The following CNTNAP2 variants were observed in gnomAD, a reference collection of about 807,000 sequenced individuals.
CNTNAP2 encodes the protein contactin associated protein 2, also known as contactin-associated protein-like 2.
A neutral mutation model predicts 155.2 loss-of-function variants in CNTNAP2; 98 were observed. The observed-to-expected ratio is 0.63, with a 90% CI of 0.54 to 0.75. The LOEUF (loss-of-function observed/expected upper bound fraction) is 0.75, where lower values mean the gene tolerates loss of function less well. CNTNAP2 is among the 30% of genes least tolerant of loss of function. The pLI is 0.00. For missense variants in CNTNAP2, 1,727 were observed against 1,688.1 expected, an observed-to-expected ratio of 1.02 and a Z score of -0.40; for synonymous variants, 651 against 631.2, an observed-to-expected ratio of 1.03 and a Z score of -0.47.
intron 12 of CNTNAP2, among the ~76,000 whole-genome samples, chr7:147,601,501 G>A (rs1013180250): frequency 2.6e-5 from 4 of 151,702 alleles, no homozygotes; most frequent in Non-Finnish European, 5.9e-5. Flanking sequence ...CCATTTTCAC[G>A]TCTTTTGTGA....
At chr7:146,192,481 A>G (rs533138715) in intron 1 of CNTNAP2, among the ~76,000 whole-genome samples, 1 of 152,310 alleles carries the variant, frequency 6.6e-6, no homozygotes, top group East Asian at 1.9e-4. Context: ...GGTGGAAGGC[A>G]AAGGAGAAGC....
intron 1 of CNTNAP2, among the ~76,000 whole-genome samples, chr7:146,155,323 C>T (rs1308970147): frequency 6.6e-6 from 1 of 152,186 alleles, no homozygotes; most frequent in East Asian, 1.9e-4. Context: ...CCCCAAAGGA[C>T]TGTGCAGATG....
Position 146,305,441 on chromosome 7 carries a change from A to G in CNTNAP2, c.97+188468A>G, listed in dbSNP as rs56969469. On this transcript the variant is annotated intron_variant, in intron 1 of 23. Coordinates refer to ENST00000361727, the MANE Select transcript of CNTNAP2 (RefSeq NM_014141.6). ...ACCTTTGGTCTTTGATGATGGTGAC[A>G]TACAGATGGGGTTTTGGTGTGGATG... Among the ~76,000 whole-genome samples, 736 of 152,130 alleles carry G rather than the reference A, an allele frequency of 4.8e-3. 9 individuals carry two copies. The highest frequency in any genetic ancestry group is 0.017 in the African/African-American group (707 of 41,516).
intron 1 of CNTNAP2, among the ~76,000 whole-genome samples, chr7:146,665,137 C>T (rs183909491): frequency 5.3e-5 from 8 of 152,056 alleles, no homozygotes; most frequent in South Asian, 2.1e-4. Context: ...TTAGTAGCGA[C>T]GGGGTTTCAC....
chr7:147,884,142 T>C (rs1272773869), intron 13 of CNTNAP2, among the ~76,000 whole-genome samples: 1 of 152,068 alleles, frequency 6.6e-6, no homozygotes, highest in Non-Finnish European at 1.5e-5. Flanking sequence ...GTGGCAAAAA[T>C]AGTCCCTGCC....
At chr7:146,625,233 G>C (rs1230233091) in intron 1 of CNTNAP2, among the ~76,000 whole-genome samples, 1 of 151,826 alleles carries the variant, frequency 6.6e-6, no homozygotes, top group African/African-American at 2.4e-5. Context: ...TTAGAAGATG[G>C]GGGAGGATAA....
intron 8 of CNTNAP2, among the ~76,000 whole-genome samples, chr7:147,252,417 G>A (rs1804220001): frequency 1.3e-5 from 2 of 152,102 alleles, no homozygotes; most frequent in Non-Finnish European, 2.9e-5. Flanking sequence ...CTCCCAACAG[G>A]TTTGGTGACA....
chr7:146,904,009 A>T (rs1796063169), intron 3 of CNTNAP2, among the ~76,000 whole-genome samples: 1 of 152,210 alleles, frequency 6.6e-6, no homozygotes, highest in African/African-American at 2.4e-5. Flanking sequence ...TTTAAAATAA[A>T]GTTAAATTTC....
intron 15 of CNTNAP2, among the ~76,000 whole-genome samples, chr7:148,010,110 G>T (rs1802049683): frequency 6.6e-6 from 1 of 151,994 alleles, no homozygotes. Context: ...TTACCAATCT[G>T]ATCACATAAA....
intron 13 of CNTNAP2, among the ~76,000 whole-genome samples, chr7:147,814,610 A>G (rs926195406): frequency 2.0e-5 from 3 of 152,200 alleles, no homozygotes; most frequent in Non-Finnish European, 4.4e-5. Flanking sequence ...TGTGAATCCA[A>G]TTAGTCTTAC....
chr7:147,166,447 C>T (rs1209155955), intron 8 of CNTNAP2, among the ~76,000 whole-genome samples: 1 of 152,044 alleles, frequency 6.6e-6, no homozygotes, highest in African/African-American at 2.4e-5. Context: ...CAGTGTATAC[C>T]GCTCGGGTGA....
At chr7:146,361,554 A>C (rs976964043) in intron 1 of CNTNAP2, among the ~76,000 whole-genome samples, 1 of 152,190 alleles carries the variant, frequency 6.6e-6, no homozygotes, top group Non-Finnish European at 1.5e-5. Flanking sequence ...CTAGGGTAGC[A>C]ATTAATGCCC....
At chr7:147,642,380 G>C (rs1039544520) in intron 13 of CNTNAP2, among the ~76,000 whole-genome samples, 1 of 151,918 alleles carries the variant, frequency 6.6e-6, no homozygotes, top group African/African-American at 2.4e-5. Flanking sequence ...TTCAACTTAC[G>C]GTTGAGGTAC....
chr7:146,736,143 T>C (rs1801616151), intron 1 of CNTNAP2, among the ~76,000 whole-genome samples: 1 of 152,078 alleles, frequency 6.6e-6, no homozygotes. Context: ...AATCTGGAAA[T>C]GGTTTATAGT....
chr7:147,146,945 C>A (rs1050862215), intron 8 of CNTNAP2, among the ~76,000 whole-genome samples: 1 of 152,138 alleles, frequency 6.6e-6, no homozygotes, highest in African/African-American at 2.4e-5. Context: ...AGCTTAATTT[C>A]TTGTTTTCCC....
intron 8 of CNTNAP2, among the ~76,000 whole-genome samples, chr7:147,289,474 G>T (rs1488342339): frequency 6.6e-6 from 1 of 151,934 alleles, no homozygotes; most frequent in African/African-American, 2.4e-5. Flanking sequence ...AGGAAAGGAG[G>T]GAAGGAAGGA....
intron 21 of CNTNAP2, among the ~76,000 whole-genome samples, chr7:148,274,002 A>G (rs1462868639): frequency 6.6e-6 from 1 of 152,166 alleles, no homozygotes. Context: ...TTGTTGGTGA[A>G]ATCATATACT....
At chr7:148,157,104 A>G (rs1291496989) in intron 17 of CNTNAP2, among the ~76,000 whole-genome samples, 4 of 152,228 alleles carry the variant, frequency 2.6e-5, no homozygotes, top group African/African-American at 9.6e-5. Context: ...CTTGCCATTT[A>G]CATAGGGTGC....
At chr7:147,132,581 T>A (rs1801400402) in intron 8 of CNTNAP2, 72 bp downstream of exon 8, 1 of 1,592,396 alleles carries the variant, frequency 6.3e-7, no homozygotes, top group Non-Finnish European at 8.6e-7. Flanking sequence ...GTGCTTTGTT[T>A]GGTTTTGCTG....
Sources: gnomAD v4.1 joint callset for allele counts (sites outside exome capture counted in the v4.1 genomes callset) on GRCh38, gnomAD v4.1.1 for gene constraint, MANE v1.5 for transcripts, NCBI Gene and HGNC (gene_info 2026-07-23, HGNC 2026-07-21) for gene names.